NREP: variants seen among roughly 807,000 people sequenced by gnomAD.
The protein encoded by NREP is neuronal regeneration related protein.
NREP carries 5 observed loss-of-function variants against 8.6 expected under a neutral mutation model. The observed-to-expected ratio is 0.58, with a 90% CI of 0.30 to 1.22. NREP has a LOEUF of 1.22. Ranked by LOEUF, NREP falls within the 50% of genes most tolerant of loss-of-function variation. NREP has a pLI of 0.07. For synonymous variants in NREP, 27 were observed against 28.0 expected (o/e 0.96, Z 0.11); for missense variants, 86 against 82.5 (o/e 1.04, Z -0.17).
chr5:111,757,466 C>A, upstream of NREP: 1 of 985,286 alleles, frequency 1.0e-6, no homozygotes. Context: ...CGCTAGGGTG[C>A]TAGTGAACAA....
intron 2 of NREP, among the ~76,000 whole-genome samples, chr5:111,748,080 T>C (rs537583270): frequency 5.3e-5 from 8 of 152,288 alleles, no homozygotes; most frequent in African/African-American, 1.7e-4. Flanking sequence ...GTGTTGTGGA[T>C]AAGATGTGTG....
At chr5:111,966,057 C>T (rs539394135) in intron 2 of NREP, among the ~76,000 whole-genome samples, 2 of 152,222 alleles carry the variant, frequency 1.3e-5, no homozygotes, top group Admixed American at 6.5e-5. Flanking sequence ...TGTATCAGGG[C>T]AAGTTACATT....
At chr5:111,835,664 T>C (rs1164556358) in intron 2 of NREP, among the ~76,000 whole-genome samples, 2 of 152,104 alleles carry the variant, frequency 1.3e-5, no homozygotes, top group South Asian at 2.1e-4. Context: ...AGGTTACTTG[T>C]AACCTTAAAG....
chr5:111,805,715 G>A (rs1237943051), intron 2 of NREP, among the ~76,000 whole-genome samples: 1 of 152,166 alleles, frequency 6.6e-6, no homozygotes, highest in East Asian at 1.9e-4. Flanking sequence ...CTGACTGAAT[G>A]AATAAATAAA....
upstream of NREP, chr5:111,757,547 A>G: frequency 3.1e-5 from 31 of 984,750 alleles, no homozygotes; most frequent in Non-Finnish European, 3.6e-5. Context: ...GCCGCCTAGG[A>G]GCCAGACTGC....
rs1243421963 is a variant in NREP, at chr5:111,871,166, A to T, written c.135+104108T>A. ...CTTCATCATTGTGCAAATATCATAG[A>T]GTGTACATACACATAGTATATAGCC... On this transcript the variant is annotated intron_variant, in intron 2 of 3. Transcript: ENST00000395634. 1.3e-5 allele frequency among the ~76,000 whole-genome samples: 2 copies of T among 151,802 alleles called. 1 individual carries two copies. Among genetic ancestry groups the T allele is most frequent in the Non-Finnish European group, 2.9e-5 (2 of 67,976 alleles).
chr5:111,876,704 A>G (rs934013456), intron 2 of NREP, among the ~76,000 whole-genome samples: 4 of 152,254 alleles, frequency 2.6e-5, no homozygotes, highest in East Asian at 3.8e-4. Context: ...CTGTTTGACT[A>G]TGCATATCCA....
At chr5:111,856,784 AG>A (rs1416111198) in intron 2 of NREP, among the ~76,000 whole-genome samples, 3 of 151,928 alleles carry the variant, frequency 2.0e-5, no homozygotes, top group East Asian at 3.9e-4. Context: ...CTTGCTTCAG[AG>A]ACATTGAAAG....
intron 2 of NREP, among the ~76,000 whole-genome samples, chr5:111,915,410 T>C (rs1381551000): frequency 6.6e-6 from 1 of 151,936 alleles, no homozygotes; most frequent in Non-Finnish European, 1.5e-5. Context: ...TGACCTAAGA[T>C]ACCAGCTCAC....
intron 2 of NREP, among the ~76,000 whole-genome samples, chr5:111,851,191 C>T (rs942784613): frequency 1.3e-5 from 2 of 152,154 alleles, no homozygotes; most frequent in African/African-American, 4.8e-5. Context: ...ATGTATATGA[C>T]ATATGTATAT....
At chr5:111,913,505 A>G (rs1247236063) in intron 2 of NREP, among the ~76,000 whole-genome samples, 1 of 152,122 alleles carries the variant, frequency 6.6e-6, no homozygotes, top group Non-Finnish European at 1.5e-5. Context: ...TTCAAAGGAT[A>G]GACATCTTCC....
At chr5:111,871,053 C>CTGTGT (rs10623716) in intron 2 of NREP, among the ~76,000 whole-genome samples, 1 of 142,610 alleles carries the variant, frequency 7.0e-6, no homozygotes, top group Non-Finnish European at 1.5e-5. Context: ...GAACCAATGG[C>CTGTGT]GTGTGTGTGT....
At chr5:111,888,054 G>C (rs1161309012) in intron 2 of NREP, among the ~76,000 whole-genome samples, 1 of 152,204 alleles carries the variant, frequency 6.6e-6, no homozygotes, top group East Asian at 1.9e-4. Context: ...GGAAAACAAT[G>C]ACCTTAGAAT....
At chr5:111,766,304 C>G (rs148811968) in intron 2 of NREP, among the ~76,000 whole-genome samples, 1 of 152,230 alleles carries the variant, frequency 6.6e-6, no homozygotes, top group Non-Finnish European at 1.5e-5. Flanking sequence ...TGAGACTGTT[C>G]ATATTAAAAG....
intron 2 of NREP, among the ~76,000 whole-genome samples, chr5:111,787,687 A>C (rs974807618): frequency 3.3e-5 from 5 of 152,212 alleles, no homozygotes; most frequent in Non-Finnish European, 2.9e-5. Flanking sequence ...CTGCATGTTA[A>C]TCAGTAAAAT....
At chr5:111,891,866 T>C (rs1031433094) in intron 2 of NREP, among the ~76,000 whole-genome samples, 1 of 152,122 alleles carries the variant, frequency 6.6e-6, no homozygotes, top group African/African-American at 2.4e-5. Flanking sequence ...CGTGAGCCAA[T>C]CACCTCCCCT....
intron 2 of NREP, among the ~76,000 whole-genome samples, chr5:111,896,907 C>T (rs1754524881): frequency 6.6e-6 from 1 of 152,022 alleles, no homozygotes; most frequent in Non-Finnish European, 1.5e-5. Flanking sequence ...ATCCTTAGTC[C>T]CAGACAGCTC....
At chr5:111,898,999 T>G (rs1193388973) in intron 2 of NREP, among the ~76,000 whole-genome samples, 1 of 152,054 alleles carries the variant, frequency 6.6e-6, no homozygotes, top group Non-Finnish European at 1.5e-5. Context: ...GCCAAGCTAT[T>G]ATTCAAAAAT....
At chr5:111,880,595 C>A (rs534809161) in intron 2 of NREP, among the ~76,000 whole-genome samples, 2 of 152,282 alleles carry the variant, frequency 1.3e-5, no homozygotes, top group East Asian at 3.9e-4. Context: ...TAGGGACCAT[C>A]ATAAAGACTT....
Sources: gnomAD v4.1 joint callset for allele counts (sites outside exome capture counted in the v4.1 genomes callset) on GRCh38, gnomAD v4.1.1 for gene constraint, MANE v1.5 for transcripts, NCBI Gene and HGNC (gene_info 2026-07-23, HGNC 2026-07-21) for gene names.